The following NWD1 variants were observed in gnomAD, a reference collection of about 807,000 sequenced individuals.
The protein encoded by NWD1 is NACHT and WD repeat domain containing 1, also known as NACHT domain- and WD repeat-containing protein 1.
In NWD1, 129 loss-of-function variants were observed where a neutral mutation model predicts 135.1. That is an observed-to-expected ratio of 0.96 (90% confidence interval 0.83 to 1.11). The LOEUF (loss-of-function observed/expected upper bound fraction) is 1.11. NWD1 is among the 50% of genes least tolerant of loss of function. NWD1 has a pLI of 0.00. For synonymous variants in NWD1, 773 were observed against 786.0 expected, an observed-to-expected ratio of 0.98 and a Z score of 0.28; for missense variants, 1,740 against 1,851.3, an observed-to-expected ratio of 0.94 and a Z score of 1.10.
rs369163419 is a variant in NWD1, at chr19:16,763,994, C to T, written c.2251+49C>T. The T allele has an allele frequency of 4.3e-4, 475 of 1,103,724 alleles. 3 individuals are homozygous for T. The African/African-American group carries it at 6.5e-3, about 15-fold the overall frequency. The allele number at this position is 1,103,724 out of a possible 1,614,324, so 68.4% of individuals were successfully genotyped here. ...AGGACCGAGCCTGGTGACTGCACCA[C>T]GCTCCAGTCTTCTAGAGCCTGGGGA... On this transcript the variant is annotated intron_variant, in intron 9 of 18. Coordinates refer to ENST00000524140, the MANE Select transcript of NWD1 (RefSeq NM_001007525.5).
chr19:16,749,217 T>G lies in NWD1; in HGVS notation c.575T>G (p.Ile192Ser). Residue 192 changes from isoleucine (I) to serine (S), a missense_variant, in exon 6 of 19, where the codon ATC (isoleucine) becomes AGC (serine). Physicochemically the swap from Ile to Ser is moderately radical, Grantham distance 142 (BLOSUM62 -2). Coordinates refer to ENST00000524140, the MANE Select transcript of NWD1 (RefSeq NM_001007525.5). ...GGAGCCACCGTCTTCCTTAGAGAGA[T>G]CCAAGACCTCCACAAACACATCCTT... ...EQGATVFLRE[I>S]QDLHKHILED... 6.2e-7 allele frequency: 1 copy of G among 1,613,944 alleles called. No homozygotes were observed. The highest frequency in any genetic ancestry group is 1.7e-5 in the Admixed American group (1 of 59,982).
At chr19:16,722,996 C>A (rs1031758279) in intron 1 of NWD1, among the ~76,000 whole-genome samples, 7 of 152,206 alleles carry the variant, frequency 4.6e-5, no homozygotes, top group Middle Eastern at 3.4e-3. Context: ...GAGGGGACGA[C>A]TGAAATCTCA....
chr19:16,725,664 C>T (rs953991409), intron 2 of NWD1, among the ~76,000 whole-genome samples: 14 of 148,834 alleles, frequency 9.4e-5, no homozygotes, highest in Admixed American at 2.0e-4. Context: ...GCGATGCTTC[C>T]GCCTCAGCCT....
chr19:16,807,160 A>G (rs1055920057), intron 17 of NWD1, among the ~76,000 whole-genome samples: 12 of 148,582 alleles, frequency 8.1e-5, no homozygotes, highest in African/African-American at 2.3e-4. Flanking sequence ...TGCACTCCAG[A>G]ATACTGTCTC....
rs770707986 is a variant in NWD1, at chr19:16,731,307, C to CT, written c.81+36dup. On this transcript the variant is annotated intron_variant, in intron 3 of 18. Coordinates refer to ENST00000524140, the MANE Select transcript of NWD1 (RefSeq NM_001007525.5). The stretch of plus-strand genomic sequence containing the variant: ...ACTGGAAGTCACTCCGGGCTCCATG[C>CT]TTTTTTTATTTTTTTTTGACACGTA... 3.5e-5 allele frequency: 48 copies of CT among 1,383,768 alleles called. 1 individual carries two copies. The South Asian group carries it at 5.2e-4, about 15-fold the overall frequency. 85.7% of individuals were successfully genotyped at this position (1,383,768 alleles called of 1,614,324 possible).
intron 6 of NWD1, among the ~76,000 whole-genome samples, chr19:16,752,117 AC>A (rs1208062158): frequency 6.6e-6 from 1 of 152,110 alleles, no homozygotes. Flanking sequence ...ACGCCAAGGA[AC>A]AAAACTTTGC....
chr19:16,735,206 A>G (rs559783842), intron 3 of NWD1, among the ~76,000 whole-genome samples: 1 of 152,286 alleles, frequency 6.6e-6, no homozygotes, highest in South Asian at 2.1e-4. Flanking sequence ...TGTTACAACT[A>G]TGAAATGAAC....
chr19:16,736,877 G>C (rs866515199), intron 4 of NWD1, 127 bp downstream of exon 4: 6 of 654,104 alleles, frequency 9.2e-6, no homozygotes, highest in Non-Finnish European at 1.7e-5. Context: ...CCTATGGCCT[G>C]CCTGTGGCAG....
At chr19:16,731,756 C>G (rs1241809028) in intron 3 of NWD1, among the ~76,000 whole-genome samples, 2 of 152,096 alleles carry the variant, frequency 1.3e-5, no homozygotes, top group East Asian at 3.9e-4. Flanking sequence ...AGGTGCCCGC[C>G]ACCACGCCCC....
In NWD1 at chr19:16,731,182, T is replaced by C. The variant is rs1325874935; in HGVS notation, c.-6-10T>C. ...CTTTCCACTAATACCCTCCATGCCC[T>C]TCCTTGCAGATATGGATGCAGAGAG... On this transcript the variant is annotated splice_polypyrimidine_tract_variant and intron_variant, in intron 2 of 18. Coordinates refer to ENST00000524140, the MANE Select transcript of NWD1 (RefSeq NM_001007525.5). 1 of 1,484,736 alleles carries C rather than the reference T, an allele frequency of 6.7e-7. No homozygotes were observed. The highest frequency in any genetic ancestry group is 9.1e-7 in the Non-Finnish European group (1 of 1,100,328). The allele number at this position is 1,484,736 out of a possible 1,614,324, so 92.0% of individuals were successfully genotyped here.
rs912227581 is a variant in NWD1, at chr19:16,730,777, C to T, written c.-6-415C>T. Among the ~76,000 whole-genome samples, 52 of 152,036 alleles carry T rather than the reference C, an allele frequency of 3.4e-4. 1 individual carries two copies. The highest frequency in any genetic ancestry group is 1.2e-3 in the African/African-American group (49 of 41,484). ...GGTATGGTGGCTCATGTCTGTAATC[C>T]CAACACTTTGGGAGGCTGAGGTGGG... On this transcript the variant is annotated intron_variant, in intron 2 of 18. Coordinates refer to ENST00000524140, the MANE Select transcript of NWD1 (RefSeq NM_001007525.5).
intron 11 of NWD1, among the ~76,000 whole-genome samples, chr19:16,776,173 A>G (rs1315099596): frequency 6.6e-6 from 1 of 152,150 alleles, no homozygotes; most frequent in Non-Finnish European, 1.5e-5. Flanking sequence ...GGGCAGGGAA[A>G]TGTTCTGTGT....
chr19:16,734,605 G>A (rs1048374766), intron 3 of NWD1, among the ~76,000 whole-genome samples: 6 of 148,202 alleles, frequency 4.0e-5, no homozygotes, highest in African/African-American at 1.5e-4. Context: ...GCAACAGGGT[G>A]TCGCTCTGTC....
In NWD1 at chr19:16,789,202, A is replaced by T. The variant is rs370933889; in HGVS notation, c.2940+12A>T. ...CATCTGGCTCAAAGGTAACAAACAT[A>T]TGCCCTGTTTGTAAAGGAAAGCTGA... On this transcript the variant is annotated intron_variant, in intron 13 of 18. Coordinates refer to ENST00000524140, the MANE Select transcript of NWD1 (RefSeq NM_001007525.5). The T allele has an allele frequency of 2.4e-5, 38 of 1,597,092 alleles. No individual in the cohort carries two copies. The highest frequency in any genetic ancestry group is 2.8e-5 in the Non-Finnish European group (33 of 1,164,876).
intron 12 of NWD1, among the ~76,000 whole-genome samples, chr19:16,788,363 G>A (rs541551263): frequency 2.0e-5 from 3 of 150,366 alleles, no homozygotes; most frequent in East Asian, 3.9e-4. Context: ...GAGGCCAGGA[G>A]TTCAAGGCCA....
At chr19:16,773,658 A>G (rs549236729) in intron 11 of NWD1, among the ~76,000 whole-genome samples, 124 of 152,300 alleles carry the variant, frequency 8.1e-4, no homozygotes, top group African/African-American at 2.8e-3. Flanking sequence ...CTGATGCCTG[A>G]CAGTCCTCTG....
At chr19:16,799,834 TA>T (rs772872054) in intron 16 of NWD1, 51 bp from the exon 17 acceptor site, 20 of 1,519,436 alleles carry the variant, frequency 1.3e-5, no homozygotes, top group Non-Finnish European at 3.6e-6. Context: ...ATTTCTGAAC[TA>T]TAGTTGTCCA....
rs1555727644 is a variant in NWD1, at chr19:16,778,496, T to TC, written c.2609-847_2609-846insC. On this transcript the variant is annotated intron_variant, in intron 11 of 18. Coordinates refer to ENST00000524140, the MANE Select transcript of NWD1 (RefSeq NM_001007525.5). ...TTTTCTTTCTTCTTCTTCTTCTTCTTTTTTTTTTTTTTGTTGTTGTTGTTG... is the reference window on the plus strand; with the variant it reads ...TTTTCTTTCTTCTTCTTCTTCTTCTTCTTTTTTTTTTTTGTTGTTGTTGTTG... Among the ~76,000 whole-genome samples, 267 of 18,552 alleles carry TC rather than the reference T, an allele frequency of 0.014. 3 individuals carry two copies. The South Asian group carries it at 0.15, about 10-fold the overall frequency. The allele number at this position is 18,552 out of a possible 152,430, so 12.2% of individuals were successfully genotyped here.
rs575772891 is a variant in NWD1 at position 16,731,130 on chromosome 19, C to G, written c.-6-62C>G. On this transcript the variant is annotated intron_variant, in intron 2 of 18. Coordinates refer to ENST00000524140, the MANE Select transcript of NWD1 (RefSeq NM_001007525.5). ...GTAAATCAATAAAATAAAAGCAGAG[C>G]TATGAGGCTGGGAAGAGTTCTGAGT... is the stretch of plus-strand genomic sequence containing the variant. 3.5e-5 allele frequency: 28 copies of G among 805,878 alleles called. 2 individuals carry two copies. The Admixed American group carries it at 6.7e-4, about 19-fold the overall frequency. The allele number at this position is 805,878 out of a possible 1,614,324, so 49.9% of individuals were successfully genotyped here.
Sources: allele counts gnomAD v4.1 joint callset (sites outside exome capture counted in the v4.1 genomes callset), GRCh38; gene constraint gnomAD v4.1.1; transcripts MANE v1.5; gene names NCBI Gene and HGNC (gene_info 2026-07-23, HGNC 2026-07-21).